NOX4: variants seen among roughly 807,000 people sequenced by gnomAD.
The protein encoded by NOX4 is NADPH oxidase 4, also known as kidney oxidase-1.
Under a neutral mutation model 87.6 loss-of-function variants are expected in NOX4, and 69 were observed. The observed-to-expected ratio is 0.79, with a 90% CI of 0.65 to 0.96. The LOEUF (loss-of-function observed/expected upper bound fraction) is 0.96. Among genes scored for constraint, NOX4 ranks in the 40% least tolerant of loss-of-function variants. The probability of loss-of-function intolerance (pLI) is 0.00; values close to 1 mark genes in which losing one functional copy is unlikely to be tolerated. For missense variants in NOX4, 680 were observed against 681.5 expected (o/e 1.00, Z 0.02); for synonymous variants, 275 against 238.2 (o/e 1.15, Z -1.42).
chr11:89,494,665 T>C (rs1946928689), upstream of NOX4, among the ~76,000 whole-genome samples: 1 of 152,184 alleles, frequency 6.6e-6, no homozygotes, highest in South Asian at 2.1e-4. Context: ...TCTCCAGTAA[T>C]ATAAAAATAG....
At chr11:89,437,440 G>A (rs1944134463) in intron 6 of NOX4, among the ~76,000 whole-genome samples, 1 of 152,132 alleles carries the variant, frequency 6.6e-6, no homozygotes, top group Non-Finnish European at 1.5e-5. Flanking sequence ...CTAGTCTTCA[G>A]TGGGGACAAA....
At chr11:89,538,223 C>T in the NOX4 span, among the ~76,000 whole-genome samples, 1 of 152,256 alleles carries the variant, frequency 6.6e-6, no homozygotes, top group African/African-American at 2.4e-5. Context: ...TTTGTTTGCT[C>T]TTCACAGCCT....
intron 6 of NOX4, among the ~76,000 whole-genome samples, chr11:89,434,894 T>C (rs962384767): frequency 6.6e-6 from 1 of 152,090 alleles, no homozygotes; most frequent in African/African-American, 2.4e-5. Flanking sequence ...CTATGATTCC[T>C]TGTATATAAC....
At chr11:89,376,755 G>A (rs1019743173) in intron 11 of NOX4, among the ~76,000 whole-genome samples, 1 of 152,126 alleles carries the variant, frequency 6.6e-6, no homozygotes, top group Non-Finnish European at 1.5e-5. Flanking sequence ...GGTGGTAGGT[G>A]CCTGTGGTCC....
intron 11 of NOX4, among the ~76,000 whole-genome samples, chr11:89,381,866 AC>A (rs2135097447): frequency 6.6e-6 from 1 of 151,420 alleles, no homozygotes; most frequent in African/African-American, 2.4e-5. Context: ...CTATCCTTCA[AC>A]CTCTTTCTCC....
chr11:89,411,238 C>T (rs549265757), intron 8 of NOX4, among the ~76,000 whole-genome samples: 1 of 152,266 alleles, frequency 6.6e-6, no homozygotes, highest in East Asian at 1.9e-4. Flanking sequence ...ACGCAGTACT[C>T]GCCATGGGCC....
At chr11:89,570,688 A>C in the NOX4 span, among the ~76,000 whole-genome samples, 1 of 152,176 alleles carries the variant, frequency 6.6e-6, no homozygotes, top group Non-Finnish European at 1.5e-5. Context: ...GAAATTCATC[A>C]GGTGTGGTGG....
chr11:89,550,682 G>T, the NOX4 span, among the ~76,000 whole-genome samples: 3 of 152,178 alleles, frequency 2.0e-5, no homozygotes, highest in African/African-American at 7.2e-5. Context: ...TTTGTAGACT[G>T]TGTATATTAA....
At chr11:89,540,264 T>C in the NOX4 span, among the ~76,000 whole-genome samples, 2 of 152,114 alleles carry the variant, frequency 1.3e-5, no homozygotes, top group South Asian at 2.1e-4. Context: ...TATTAGGCTA[T>C]GGTTTTGTTC....
intron 8 of NOX4, among the ~76,000 whole-genome samples, chr11:89,421,403 T>C (rs988719758): frequency 6.6e-6 from 1 of 151,854 alleles, no homozygotes; most frequent in African/African-American, 2.4e-5. Context: ...ATTTTTTCAC[T>C]TTATGTTTTT....
chr11:89,416,806 A>G (rs1293760773), intron 8 of NOX4, among the ~76,000 whole-genome samples: 2 of 152,170 alleles, frequency 1.3e-5, no homozygotes, highest in Non-Finnish European at 2.9e-5. Flanking sequence ...AAATGATTCA[A>G]GTAGAATATA....
At chr11:89,454,628 T>TA (rs2135397027) in intron 2 of NOX4, among the ~76,000 whole-genome samples, 1 of 152,246 alleles carries the variant, frequency 6.6e-6, no homozygotes, top group African/African-American at 2.4e-5. Flanking sequence ...AATGTAGCTT[T>TA]AAAAATAGCA....
At chr11:89,470,279 C>A (rs1945874207) in intron 2 of NOX4, among the ~76,000 whole-genome samples, 1 of 152,092 alleles carries the variant, frequency 6.6e-6, no homozygotes, top group African/African-American at 2.4e-5. Context: ...TGGCTTCCTA[C>A]AAATCTCCAG....
chr11:89,510,856 C>A, the NOX4 span, among the ~76,000 whole-genome samples: 1 of 152,054 alleles, frequency 6.6e-6, no homozygotes, highest in African/African-American at 2.4e-5. Context: ...TGTGTCCATT[C>A]CTAAAACAAA....
intron 12 of NOX4, among the ~76,000 whole-genome samples, chr11:89,371,162 CATT>C (rs1939414566): frequency 1.3e-5 from 2 of 151,936 alleles, no homozygotes; most frequent in Non-Finnish European, 2.9e-5. Flanking sequence ...GTTGTAATCT[CATT>C]GTTGTAAGGC....
At chr11:89,506,457 T>G in the NOX4 span, among the ~76,000 whole-genome samples, 1 of 151,740 alleles carries the variant, frequency 6.6e-6, no homozygotes, top group Admixed American at 6.6e-5. Flanking sequence ...TAGACCTAAA[T>G]GTAAAGCCTA....
chr11:89,555,482 T>TA, the NOX4 span, among the ~76,000 whole-genome samples: 1 of 151,396 alleles, frequency 6.6e-6, no homozygotes, highest in Non-Finnish European at 1.5e-5. Flanking sequence ...AGAATTTGTT[T>TA]CAAAAAAAAA....
At chr11:89,356,867 A>T (rs1458537631) in intron 12 of NOX4, among the ~76,000 whole-genome samples, 1 of 152,116 alleles carries the variant, frequency 6.6e-6, no homozygotes, top group East Asian at 1.9e-4. Flanking sequence ...AAGGTTAATC[A>T]TAATAACTCC....
At chr11:89,397,531 C>T (rs1365344649) in intron 11 of NOX4, among the ~76,000 whole-genome samples, 1 of 152,028 alleles carries the variant, frequency 6.6e-6, no homozygotes, top group Non-Finnish European at 1.5e-5. Context: ...AATGCAGAAG[C>T]TGGTTTTTTG....
Sources: allele counts gnomAD v4.1 joint callset (sites outside exome capture counted in the v4.1 genomes callset), GRCh38; gene constraint gnomAD v4.1.1; transcripts MANE v1.5; gene names NCBI Gene and HGNC (gene_info 2026-07-23, HGNC 2026-07-21).